SLC35F1: variants seen among roughly 807,000 people sequenced by gnomAD.
SLC35F1 encodes solute carrier family 35 member F1, also known as chromosome 6 open reading frame 169.
Under a neutral mutation model 48.7 loss-of-function variants are expected in SLC35F1, and 14 were observed. The observed-to-expected ratio is 0.29, with a 90% CI of 0.19 to 0.45. SLC35F1 has a LOEUF of 0.45. SLC35F1 is among the 20% of genes least tolerant of loss of function. The pLI is 1.00. For missense variants in SLC35F1, 404 were observed against 500.0 expected, an observed-to-expected ratio of 0.81 and a Z score of 1.83; for synonymous variants, 190 against 202.2, an observed-to-expected ratio of 0.94 and a Z score of 0.51.
intron 1 of SLC35F1, among the ~76,000 whole-genome samples, chr6:118,080,890 G>A (rs999424290): frequency 3.9e-5 from 6 of 152,156 alleles, no homozygotes; most frequent in Admixed American, 3.9e-4. Flanking sequence ...GAAGAAATCA[G>A]CAGCCTACTT....
chr6:118,159,794 G>A (rs1206191828), intron 2 of SLC35F1, among the ~76,000 whole-genome samples: 3 of 152,132 alleles, frequency 2.0e-5, no homozygotes, highest in Non-Finnish European at 4.4e-5. Context: ...TTGCCCATAA[G>A]TTTCTCTTGT....
At chr6:118,181,026 T>C (rs1263863853) in intron 2 of SLC35F1, among the ~76,000 whole-genome samples, 3 of 152,068 alleles carry the variant, frequency 2.0e-5, no homozygotes, top group Non-Finnish European at 4.4e-5. Context: ...AGTGTAATAA[T>C]ACCAACAAAA....
At chr6:118,259,329 C>T (rs1775683928) in intron 3 of SLC35F1, among the ~76,000 whole-genome samples, 1 of 151,808 alleles carries the variant, frequency 6.6e-6, no homozygotes, top group South Asian at 2.1e-4. Flanking sequence ...TGACAGTATG[C>T]ATCAAGAGTT....
In SLC35F1 at chr6:118,007,582, A is replaced by T. The variant is rs997301850; in HGVS notation, c.173+99683A>T. Among the ~76,000 whole-genome samples, 4 of 152,196 alleles carry T rather than the reference A, an allele frequency of 2.6e-5. No individual in the cohort carries two copies. The East Asian group carries it at 7.7e-4, about 29-fold the overall frequency. ...TTTCAAAGAAAGTAAACTGGATTTC[A>T]CTTACCTTATCAATCCACTCATTCA... On this transcript the variant is annotated intron_variant, in intron 1 of 7. Coordinates refer to ENST00000360388, the MANE Select transcript of SLC35F1 (RefSeq NM_001029858.4).
At chr6:117,967,363 A>G (rs1452320720) in intron 1 of SLC35F1, among the ~76,000 whole-genome samples, 1 of 152,234 alleles carries the variant, frequency 6.6e-6, no homozygotes, top group Non-Finnish European at 1.5e-5. Flanking sequence ...GGATTCTGTC[A>G]TCAAAAACTC....
At chr6:118,213,895 A>G (rs1002396949) in intron 2 of SLC35F1, among the ~76,000 whole-genome samples, 1 of 152,230 alleles carries the variant, frequency 6.6e-6, no homozygotes, top group Admixed American at 6.5e-5. Context: ...ACTGGATGTG[A>G]AGGAAAGTGA....
chr6:118,245,517 C>G (rs550479945), intron 3 of SLC35F1, among the ~76,000 whole-genome samples: 1 of 152,312 alleles, frequency 6.6e-6, no homozygotes, highest in South Asian at 2.1e-4. Flanking sequence ...CTGGCCTCTG[C>G]TGCTCTCTCC....
At chr6:118,311,581 A>G (rs1446695820) in intron 7 of SLC35F1, among the ~76,000 whole-genome samples, 5 of 152,200 alleles carry the variant, frequency 3.3e-5, no homozygotes, top group Middle Eastern at 3.2e-3. Flanking sequence ...CTTAAGCCCA[A>G]GAATTCGAGA....
intron 1 of SLC35F1, among the ~76,000 whole-genome samples, chr6:118,070,735 T>C (rs1772690404): frequency 6.7e-6 from 1 of 150,318 alleles, no homozygotes; most frequent in African/African-American, 2.4e-5. Context: ...TAACTTCTTA[T>C]GATAGATGAA....
At chr6:118,232,710 A>G (rs1019541825) in intron 2 of SLC35F1, among the ~76,000 whole-genome samples, 2 of 152,080 alleles carry the variant, frequency 1.3e-5, no homozygotes, top group Admixed American at 1.3e-4. Context: ...AGGAAACAGC[A>G]CATGGAAAGG....
chr6:118,153,775 CA>C (rs1310472326), intron 1 of SLC35F1, among the ~76,000 whole-genome samples: 3 of 152,212 alleles, frequency 2.0e-5, no homozygotes, highest in Non-Finnish European at 4.4e-5. Flanking sequence ...GAATCTCTTT[CA>C]CGAATAGCAG....
chr6:117,923,811 A>ATATGTATATGTATATATG (rs1229765746), intron 1 of SLC35F1, among the ~76,000 whole-genome samples: 10 of 84,920 alleles, frequency 1.2e-4, no homozygotes, highest in African/African-American at 3.9e-4. Context: ...ACATATACAC[A>ATATGTATATGTATATATG]TACATATGTA....
At chr6:117,925,252 G>A (rs1284290272) in intron 1 of SLC35F1, among the ~76,000 whole-genome samples, 1 of 152,072 alleles carries the variant, frequency 6.6e-6, no homozygotes, top group Non-Finnish European at 1.5e-5. Context: ...GTGGGCAAAG[G>A]TCCTGGGTTG....
At chr6:118,122,822 A>T (rs1773571549) in intron 1 of SLC35F1, among the ~76,000 whole-genome samples, 1 of 152,228 alleles carries the variant, frequency 6.6e-6, no homozygotes, top group South Asian at 2.1e-4. Flanking sequence ...CTGGCTTTAA[A>T]ATAAAATGCC....
chr6:118,309,418 GA>G (rs1454742831), intron 7 of SLC35F1, among the ~76,000 whole-genome samples: 1 of 152,010 alleles, frequency 6.6e-6, no homozygotes, highest in South Asian at 2.1e-4. Flanking sequence ...AGGGAAAAAG[GA>G]AAAAACCAGG....
At chr6:118,000,836 A>C (rs905915406) in intron 1 of SLC35F1, among the ~76,000 whole-genome samples, 27 of 152,226 alleles carry the variant, frequency 1.8e-4, no homozygotes, top group African/African-American at 5.8e-4. Context: ...TCATGAGTGA[A>C]CTCCCATTCA....
chr6:118,041,216 T>C (rs986844527), intron 1 of SLC35F1, among the ~76,000 whole-genome samples: 5 of 152,180 alleles, frequency 3.3e-5, no homozygotes, highest in Admixed American at 2.6e-4. Context: ...TGAAGATTTA[T>C]AAAGGAGGTT....
At chr6:117,967,550 A>G (rs1776586364) in intron 1 of SLC35F1, among the ~76,000 whole-genome samples, 1 of 152,198 alleles carries the variant, frequency 6.6e-6, no homozygotes, top group Non-Finnish European at 1.5e-5. Context: ...CGTTTGTTCA[A>G]CTTGACAAAT....
intron 2 of SLC35F1, among the ~76,000 whole-genome samples, chr6:118,218,760 C>T (rs750074200): frequency 2.0e-5 from 3 of 152,182 alleles, no homozygotes; most frequent in Non-Finnish European, 4.4e-5. Context: ...CATCTCACAT[C>T]AGTGGTTGTC....
Sources: gnomAD v4.1 joint callset for allele counts (sites outside exome capture counted in the v4.1 genomes callset) on GRCh38, gnomAD v4.1.1 for gene constraint, MANE v1.5 for transcripts, NCBI Gene and HGNC (gene_info 2026-07-23, HGNC 2026-07-21) for gene names.